Variants in SLC35F3 observed in about 807,000 individuals in gnomAD.
SLC35F3 encodes solute carrier family 35 member F3, also known as putative thiamine transporter SLC35F3.
In SLC35F3, 25 loss-of-function variants were observed where a neutral mutation model predicts 49.9. The observed-to-expected ratio is 0.50, with a 90% CI of 0.37 to 0.70. SLC35F3 has a LOEUF of 0.70. Among genes scored for constraint, SLC35F3 ranks in the 30% least tolerant of loss-of-function variants. The probability of loss-of-function intolerance (pLI) is 0.00; values close to 1 mark genes in which losing one functional copy is unlikely to be tolerated. For missense variants in SLC35F3, 525 were observed against 639.8 expected (o/e 0.82, Z 1.94); for synonymous variants, 275 against 265.4 (o/e 1.04, Z -0.35).
chr1:234,050,851 C>G (rs1664366103), intron 2 of SLC35F3, among the ~76,000 whole-genome samples: 1 of 152,210 alleles, frequency 6.6e-6, no homozygotes, highest in Non-Finnish European at 1.5e-5. Flanking sequence ...CAGCTTTCTA[C>G]ATATGGCTAG....
At chr1:234,221,862 A>G (rs1667211029) in intron 2 of SLC35F3, among the ~76,000 whole-genome samples, 1 of 152,194 alleles carries the variant, frequency 6.6e-6, no homozygotes, top group Admixed American at 6.5e-5. Context: ...TAGATCTTCC[A>G]TTGTCTTTTT....
rs548899805 is a variant in SLC35F3, at chr1:233,952,495, G to C, written c.283+46737G>C. On this transcript the variant is annotated intron_variant, in intron 2 of 7. Transcript: ENST00000366618. ...TCCCCATCCATTGAAGATAAACTGT[G>C]GTTTTTCATAGGGCAAAGTCTCTTC... Among the ~76,000 whole-genome samples the C allele has an allele frequency of 8.8e-4, 134 of 152,200 alleles. 1 individual carries two copies. The highest frequency in any genetic ancestry group is 8.4e-3 in the Admixed American group (129 of 15,288).
At chr1:233,916,286 G>A (rs1158561571) in intron 2 of SLC35F3, among the ~76,000 whole-genome samples, 2 of 151,748 alleles carry the variant, frequency 1.3e-5, no homozygotes, top group African/African-American at 4.8e-5. Context: ...TTTATTTTTA[G>A]AGGCAAGGCC....
At chr1:234,041,330 A>T (rs936409) in intron 2 of SLC35F3, among the ~76,000 whole-genome samples, 2,860 of 152,154 alleles carry the variant, frequency 0.019, 95 homozygotes, top group African/African-American at 0.066. Flanking sequence ...TACTACGTCC[A>T]CCTTCTGTAC....
At chr1:234,065,242 G>C (rs2102864626) in intron 2 of SLC35F3, among the ~76,000 whole-genome samples, 1 of 152,262 alleles carries the variant, frequency 6.6e-6, no homozygotes, top group African/African-American at 2.4e-5. Flanking sequence ...GGCCTCCTGG[G>C]TTCAAGGGAT....
chr1:234,310,571 A>G (rs1466756800), intron 4 of SLC35F3, among the ~76,000 whole-genome samples: 2 of 152,226 alleles, frequency 1.3e-5, no homozygotes, highest in Non-Finnish European at 2.9e-5. Flanking sequence ...GATACTTCTC[A>G]CAGTGAGCCA....
rs559375862 is a variant in SLC35F3, at chr1:234,172,487, G to C, written c.284-58930G>C. On this transcript the variant is annotated intron_variant, in intron 2 of 7. Coordinates refer to ENST00000366618, the MANE Select transcript of SLC35F3 (RefSeq NM_173508.4). ...GGGGATCCACCCACCTTGGCCTCCC[G>C]AAGTGCTAGGATTACAGGTGTGAGG... 2.0e-5 allele frequency among the ~76,000 whole-genome samples: 3 copies of C among 152,270 alleles called. No homozygotes were observed. The East Asian group carries it at 5.8e-4, about 29-fold the overall frequency.
intron 2 of SLC35F3, among the ~76,000 whole-genome samples, chr1:233,983,103 A>T (rs1663211983): frequency 6.6e-6 from 1 of 152,226 alleles, no homozygotes; most frequent in African/African-American, 2.4e-5. Context: ...ATCCCTGATA[A>T]GAAAGTGCAC....
At chr1:233,989,671 A>C (rs1663322386) in intron 2 of SLC35F3, among the ~76,000 whole-genome samples, 1 of 152,210 alleles carries the variant, frequency 6.6e-6, no homozygotes, top group South Asian at 2.1e-4. Flanking sequence ...CTACATGTTA[A>C]AACTCATACC....
intron 2 of SLC35F3, among the ~76,000 whole-genome samples, chr1:233,968,806 C>T (rs879454781): frequency 3.3e-5 from 5 of 152,266 alleles, no homozygotes; most frequent in Admixed American, 3.3e-4. Flanking sequence ...TTTCAACCCT[C>T]ATCCCCCTCC....
At chr1:233,964,604 G>C (rs534044561) in intron 2 of SLC35F3, among the ~76,000 whole-genome samples, 1 of 152,342 alleles carries the variant, frequency 6.6e-6, no homozygotes, top group South Asian at 2.1e-4. Context: ...CATGTGTCGC[G>C]AAGGCATGCG....
chr1:234,197,028 TAAAGG>T (rs1284236151), intron 2 of SLC35F3, among the ~76,000 whole-genome samples: 1 of 152,168 alleles, frequency 6.6e-6, no homozygotes, highest in Non-Finnish European at 1.5e-5. Flanking sequence ...CTGCTGTCAG[TAAAGG>T]AAAGAACTGA....
chr1:233,939,434 G>A (rs1397447019), intron 2 of SLC35F3, among the ~76,000 whole-genome samples: 1 of 152,184 alleles, frequency 6.6e-6, no homozygotes, highest in Non-Finnish European at 1.5e-5. Flanking sequence ...CAGCCTGGGT[G>A]ACAGAGCAAT....
chr1:234,276,639 G>T (rs561802366), intron 3 of SLC35F3, among the ~76,000 whole-genome samples: 31 of 151,960 alleles, frequency 2.0e-4, no homozygotes, highest in African/African-American at 7.0e-4. Context: ...TTAACAAGGA[G>T]GATTATGCAC....
intron 3 of SLC35F3, among the ~76,000 whole-genome samples, chr1:234,302,886 T>C (rs1293239139): frequency 6.6e-6 from 1 of 152,146 alleles, no homozygotes; most frequent in African/African-American, 2.4e-5. Flanking sequence ...TTTTAGCAAT[T>C]CAATGCATGC....
intron 2 of SLC35F3, among the ~76,000 whole-genome samples, chr1:234,190,586 A>G (rs1046326463): frequency 7.2e-5 from 11 of 152,224 alleles, no homozygotes; most frequent in African/African-American, 2.7e-4. Context: ...ACTGCTAGAC[A>G]TAAGAAATGG....
intron 2 of SLC35F3, among the ~76,000 whole-genome samples, chr1:234,019,842 T>G (rs558848289): frequency 1.3e-5 from 2 of 152,286 alleles, no homozygotes; most frequent in Non-Finnish European, 2.9e-5. Context: ...ACATTTCCAC[T>G]GTATTTAGCG....
chr1:234,300,160 C>A (rs888480793), intron 3 of SLC35F3, among the ~76,000 whole-genome samples: 18 of 152,000 alleles, frequency 1.2e-4, no homozygotes, highest in Admixed American at 5.2e-4. Flanking sequence ...ACTATAAATG[C>A]CAGGTAATGG....
intron 2 of SLC35F3, among the ~76,000 whole-genome samples, chr1:234,202,733 C>G (rs1369094413): frequency 6.6e-6 from 1 of 152,208 alleles, no homozygotes; most frequent in South Asian, 2.1e-4. Context: ...GGCCTGTGCA[C>G]CTGTCTAAGA....
Sources: gnomAD v4.1 joint callset for allele counts (sites outside exome capture counted in the v4.1 genomes callset) on GRCh38, gnomAD v4.1.1 for gene constraint, MANE v1.5 for transcripts, NCBI Gene and HGNC (gene_info 2026-07-23, HGNC 2026-07-21) for gene names.